Variants in ATP2B2 observed in about 807,000 individuals in gnomAD.
The protein encoded by ATP2B2 is ATPase plasma membrane Ca2+ transporting 2.
Under a neutral mutation model 120.0 loss-of-function variants are expected in ATP2B2, and 15 were observed. That is an observed-to-expected ratio of 0.12 (90% CI 0.08 to 0.19). The LOEUF (loss-of-function observed/expected upper bound fraction) is 0.19, where lower values mean the gene tolerates loss of function less well. Ranked by LOEUF, ATP2B2 falls within the 10% of genes least tolerant of loss-of-function variation. ATP2B2 has a pLI of 1.00. For synonymous variants in ATP2B2, 694 were observed against 700.3 expected (o/e 0.99, Z 0.14); for missense variants, 1,045 against 1,719.8 (o/e 0.61, Z 6.94).
chr3:10,441,231 C>G (rs1478083003), intron 2 of ATP2B2, among the ~76,000 whole-genome samples: 1 of 152,124 alleles, frequency 6.6e-6, no homozygotes, highest in Non-Finnish European at 1.5e-5. Context: ...TCCTGCCTGC[C>G]TCTGTGCCCC....
At chr3:10,567,572 A>T (rs1341335377) in intron 2 of ATP2B2, among the ~76,000 whole-genome samples, 1 of 152,182 alleles carries the variant, frequency 6.6e-6, no homozygotes, top group East Asian at 1.9e-4. Context: ...TGAAAAATAG[A>T]GATGATGACA....
intron 1 of ATP2B2, among the ~76,000 whole-genome samples, chr3:10,638,338 C>A (rs1017003198): frequency 2.0e-5 from 3 of 151,856 alleles, no homozygotes; most frequent in African/African-American, 7.3e-5. Context: ...AAATGTATGA[C>A]AATAACAGCA....
At chr3:10,585,660 G>C (rs1358597766) in intron 2 of ATP2B2, among the ~76,000 whole-genome samples, 1 of 151,750 alleles carries the variant, frequency 6.6e-6, no homozygotes, top group East Asian at 1.9e-4. Context: ...TTCCTGCTTG[G>C]GGCCTCTGCA....
intron 10 of ATP2B2, among the ~76,000 whole-genome samples, chr3:10,376,692 A>G (rs2061390642): frequency 6.6e-6 from 1 of 152,192 alleles, no homozygotes; most frequent in South Asian, 2.1e-4. Flanking sequence ...AGTGCCTGGG[A>G]ATGCACTCCC....
chr3:10,513,903 A>G (rs1420533662), intron 3 of ATP2B2, among the ~76,000 whole-genome samples: 1 of 151,130 alleles, frequency 6.6e-6, no homozygotes, highest in Non-Finnish European at 1.5e-5. Context: ...TTTTTTCCCA[A>G]CCCCCCAGGG....
intron 1 of ATP2B2, among the ~76,000 whole-genome samples, chr3:10,450,834 C>T (rs62238391): frequency 0.23 from 35,707 of 152,104 alleles, 5,423 homozygotes; most frequent in Non-Finnish European, 0.34. Flanking sequence ...CAATCCACCC[C>T]GACACCCAAC....
intron 1 of ATP2B2, among the ~76,000 whole-genome samples, chr3:10,662,213 A>T (rs1575601894): frequency 2.0e-5 from 3 of 152,218 alleles, no homozygotes; most frequent in Middle Eastern, 6.8e-3. Context: ...ACCAAAAGCA[A>T]TGGCAACAAA....
chr3:10,394,136 A>G (rs553689819), intron 5 of ATP2B2, among the ~76,000 whole-genome samples: 127 of 151,860 alleles, frequency 8.4e-4, no homozygotes, highest in African/African-American at 2.8e-3. Flanking sequence ...GGATAGGGAG[A>G]GGGGAGAGTT....
chr3:10,637,319 G>A (rs1304636753), intron 1 of ATP2B2, among the ~76,000 whole-genome samples: 1 of 152,140 alleles, frequency 6.6e-6, no homozygotes, highest in Non-Finnish European at 1.5e-5. Flanking sequence ...TACAATCAAA[G>A]TGAAAAGATA....
rs2060257152 is a variant in ATP2B2, at chr3:10,340,948, T to C, written c.2918-244A>G. On this transcript the variant is annotated intron_variant, in intron 19 of 22. Transcript: ENST00000360273. The surrounding 1 kb of genome is among the most constrained non-coding windows in gnomAD (Gnocchi z 5.0). Reference sequence around the variant, plus strand: ...TTGGGCAACTGTCTTCCACTTTTTCTGTGGAAACCCGATAAAGGTGGACGG... The same window carrying C: ...TTGGGCAACTGTCTTCCACTTTTTCCGTGGAAACCCGATAAAGGTGGACGG... Among the ~76,000 whole-genome samples the C allele has an allele frequency of 6.6e-6, 1 of 152,154 alleles. No homozygotes were observed. Among genetic ancestry groups the C allele is most frequent in the Admixed American group, 6.5e-5 (1 of 15,270 alleles).
At chr3:10,588,729 C>T (rs914626682) in intron 2 of ATP2B2, among the ~76,000 whole-genome samples, 2 of 152,142 alleles carry the variant, frequency 1.3e-5, no homozygotes, top group African/African-American at 2.4e-5. Flanking sequence ...CACTATTTCA[C>T]GGAGTCTCTA....
At chr3:10,582,550 T>G (rs1163653344) in intron 2 of ATP2B2, among the ~76,000 whole-genome samples, 1 of 152,090 alleles carries the variant, frequency 6.6e-6, no homozygotes, top group Non-Finnish European at 1.5e-5. Flanking sequence ...ATAAGTGGGG[T>G]AGAGAGAATC....
chr3:10,368,646 A>C (rs575471258), intron 12 of ATP2B2, among the ~76,000 whole-genome samples: 1 of 151,168 alleles, frequency 6.6e-6, no homozygotes, highest in South Asian at 2.1e-4. Context: ...CCACCCATCC[A>C]TCCATCTATT....
chr3:10,439,476 C>T lies in ATP2B2; in HGVS notation c.199+9869G>A, dbSNP rs1352244663. Among the ~76,000 whole-genome samples, 4 of 152,264 alleles carry T rather than the reference C, an allele frequency of 2.6e-5. No individual in the cohort carries two copies. In the East Asian group the frequency reaches 7.7e-4, roughly 29 times the overall value. On this transcript the variant is annotated intron_variant, in intron 2 of 22. Transcript: ENST00000360273. ...GCAAAGACCAACTTCGCCTAAGACC[C>T]CTGGGCCAGGCACATTGTGTGTTCT... is the stretch of plus-strand genomic sequence containing the variant.
chr3:10,361,410 T>C (rs1489490393), intron 12 of ATP2B2, among the ~76,000 whole-genome samples: 1 of 152,224 alleles, frequency 6.6e-6, no homozygotes, highest in Non-Finnish European at 1.5e-5. Flanking sequence ...GATGCCATGA[T>C]ATGAATATGC....
At chr3:10,352,237 C>T (rs1225923905) in intron 14 of ATP2B2, among the ~76,000 whole-genome samples, 1 of 152,226 alleles carries the variant, frequency 6.6e-6, no homozygotes, top group Non-Finnish European at 1.5e-5. Flanking sequence ...AGGGCAGGGG[C>T]CATGGGGAGG....
chr3:10,327,465 T>C lies in ATP2B2; in HGVS notation c.*1349A>G, dbSNP rs1332988488. ...AAATAAAAATAAAAGCAGCAAGCCA[T>C]ACTGATCCTCATCCAATATGCCAAC... On this transcript the variant is annotated 3_prime_UTR_variant, in exon 23 of 23. Transcript: ENST00000360273. 1 of 152,576 alleles carries C rather than the reference T, an allele frequency of 6.6e-6. No individual in the cohort carries two copies. The highest frequency in any genetic ancestry group is 1.5e-5 in the Non-Finnish European group (1 of 68,048). 9.5% of individuals were successfully genotyped at this position (152,576 alleles called of 1,614,324 possible).
At chr3:10,577,656 G>C (rs531466795) in intron 2 of ATP2B2, among the ~76,000 whole-genome samples, 2 of 152,204 alleles carry the variant, frequency 1.3e-5, no homozygotes, top group South Asian at 4.1e-4. Flanking sequence ...AGAAGGCCCT[G>C]GGCTGCACAA....
chr3:10,592,585 G>A (rs2068669838), intron 2 of ATP2B2, among the ~76,000 whole-genome samples: 1 of 152,136 alleles, frequency 6.6e-6, no homozygotes, highest in African/African-American at 2.4e-5. Context: ...ATATCTCCAG[G>A]GCCTTGTCCC....
Sources: gnomAD v4.1 joint callset for allele counts (sites outside exome capture counted in the v4.1 genomes callset) on GRCh38, gnomAD v4.1.1 for gene constraint, Gnocchi (gnomAD v3.1) non-coding constraint, MANE v1.5 for transcripts, NCBI Gene and HGNC (gene_info 2026-07-23, HGNC 2026-07-21) for gene names.